CHD2: variants seen among roughly 807,000 people sequenced by gnomAD.
CHD2 encodes the protein ATP-dependent chromatin remodeler CHD2.
A neutral mutation model predicts 243.9 loss-of-function variants in CHD2; 28 were observed. The ratio of observed to expected loss-of-function variants is 0.11; its 90% CI spans 0.09 to 0.16. CHD2 has a LOEUF of 0.16. Ranked by LOEUF, CHD2 falls within the 10% of genes least tolerant of loss-of-function variation. The probability of loss-of-function intolerance (pLI) is 1.00; values close to 1 mark genes in which losing one functional copy is unlikely to be tolerated. For missense variants in CHD2, 1,386 were observed against 2,209.8 expected, an observed-to-expected ratio of 0.63 and a Z score of 7.47; for synonymous variants, 775 against 779.0, an observed-to-expected ratio of 0.99 and a Z score of 0.09.
chr15:92,907,582 C>A (rs999685013), intron 2 of CHD2, among the ~76,000 whole-genome samples: 6 of 152,134 alleles, frequency 3.9e-5, no homozygotes, highest in African/African-American at 1.4e-4. Flanking sequence ...TTACTTTAGT[C>A]CTGAAAATTT....
intron 20 of CHD2, among the ~76,000 whole-genome samples, chr15:92,976,171 C>G (rs1456375848): frequency 6.6e-6 from 1 of 152,016 alleles, no homozygotes; most frequent in Non-Finnish European, 1.5e-5. Context: ...TCGAATGTTT[C>G]ATATTGCCCT....
rs1344138093 is a variant in CHD2 at position 92,985,650 on chromosome 15, A to T, written c.3390A>T (p.Gly1130=). 1 of 1,612,512 alleles carries T rather than the reference A, an allele frequency of 6.2e-7. No homozygotes were observed. Among genetic ancestry groups the T allele is most frequent in the South Asian group, 1.1e-5 (1 of 91,058 alleles). The stretch of plus-strand genomic sequence containing the variant: ...GTGTGCGGAAGGACCTCGTGGAGGG[A>T]TTTACTGATGCAGAGATCCGAAGGT... ...PRSVRKDLVE[G]FTDAEIRRFI... is the part of the protein sequence containing the mutation. The change falls in exon 26 of 39, where the codon GGA becomes GGT. Residue 1130 remains glycine (G), a synonymous_variant. Coordinates refer to ENST00000394196, the MANE Select transcript of CHD2 (RefSeq NM_001271.4).
At chr15:92,940,236 T>C (rs1365267315) in intron 7 of CHD2, among the ~76,000 whole-genome samples, 1 of 152,150 alleles carries the variant, frequency 6.6e-6, no homozygotes, top group East Asian at 1.9e-4. Flanking sequence ...GGCAGATTGC[T>C]TGAGCCCAGG....
intron 25 of CHD2, among the ~76,000 whole-genome samples, chr15:92,984,807 A>T (rs577418245): frequency 6.6e-6 from 1 of 152,220 alleles, no homozygotes; most frequent in Non-Finnish European, 1.5e-5. Flanking sequence ...GTTAATTGCC[A>T]CTGCCTTCAA....
Position 93,024,586 on chromosome 15 carries a change from C to T in CHD2, c.5368C>T (p.Pro1790Ser), listed in dbSNP as rs1567168643. Reference protein sequence around the residue: ...LHPAVSDPRSPPSQKSPHDSK... With the variant: ...LHPAVSDPRSSPSQKSPHDSK... Reference sequence around the variant, plus strand: ...CCCTGCAGTCTCAGATCCTCGCTCACCCCCTTCTCAGAAATCTCCTCACGA... The same window carrying T: ...CCCTGCAGTCTCAGATCCTCGCTCATCCCCTTCTCAGAAATCTCCTCACGA... The change falls in exon 39 of 39, where the codon CCC (proline) becomes TCC (serine). Residue 1790 changes from proline to serine, a missense_variant. By Grantham distance (74) the Pro-to-Ser change is moderately conservative (BLOSUM62 -1). This residue lies in a region of CHD2 where 347 missense variants were observed against 341.6 expected (regional missense o/e 1.02). Coordinates refer to ENST00000394196, the MANE Select transcript of CHD2 (RefSeq NM_001271.4). The T allele has an allele frequency of 1.2e-6, 2 of 1,614,094 alleles. No individual in the cohort carries two copies. The highest frequency in any genetic ancestry group is 8.5e-7 in the Non-Finnish European group (1 of 1,180,044).
rs941452623 is a variant in CHD2 at position 93,002,247 on chromosome 15, A to G, written c.4208A>G (p.Lys1403Arg). The stretch of plus-strand genomic sequence containing the variant: ...AAAGAGAACAAGGAGAACAAGGAGA[A>G]ACAAATGAGTTCTAGGAAAGACAAA... ...KKKENKENKEKQMSSRKDKEG... is the reference protein window; with the variant it reads ...KKKENKENKERQMSSRKDKEG... The change falls in exon 33 of 39, where the codon AAA becomes AGA. Residue 1403 changes from lysine (K) to arginine (R), a missense_variant. Physicochemically the swap from Lys to Arg is conservative, Grantham distance 26. This residue lies in a region of CHD2 where 125 missense variants were observed against 128.9 expected (regional missense o/e 0.97). Transcript: ENST00000394196. The G allele has an allele frequency of 6.2e-7, 1 of 1,603,806 alleles. No homozygotes were observed.
rs2052513136 is a variant in CHD2 at position 92,900,428 on chromosome 15, C to G, written c.-468C>G. 1 of 396,298 alleles carries G rather than the reference C, an allele frequency of 2.5e-6. No individual in the cohort carries two copies. The allele number at this position is 396,298 out of a possible 1,614,324, so 24.5% of individuals were successfully genotyped here. On this transcript the variant is annotated 5_prime_UTR_variant, in exon 1 of 39. Transcript: ENST00000394196. Reference sequence around the variant, plus strand: ...GCAACTTTCCCTAACTTTCGGGCAGCCTCAGGGGGCCCCCGTAGCCCCCTG... The same window carrying G: ...GCAACTTTCCCTAACTTTCGGGCAGGCTCAGGGGGCCCCCGTAGCCCCCTG...
At chr15:93,005,874 A>G (rs902059197) in intron 34 of CHD2, among the ~76,000 whole-genome samples, 2 of 152,194 alleles carry the variant, frequency 1.3e-5, no homozygotes, top group South Asian at 4.1e-4. Flanking sequence ...GAGTGTTTAT[A>G]AGAGAAAATG....
At chr15:92,936,209 C>T (rs886274977) in intron 5 of CHD2, among the ~76,000 whole-genome samples, 12 of 152,172 alleles carry the variant, frequency 7.9e-5, no homozygotes, top group African/African-American at 2.4e-4. Context: ...TCTCAATCTG[C>T]ACATCAGCCA....
intron 9 of CHD2, 67 bp downstream of exon 9, chr15:92,943,135 A>G: frequency 6.6e-6 from 8 of 1,211,186 alleles, no homozygotes; most frequent in Non-Finnish European, 9.5e-6. Flanking sequence ...TTTTAAAATA[A>G]TGCATGGAGA....
At chr15:92,979,088 G>C (rs1020027599) in intron 21 of CHD2, 47 bp from the exon 22 acceptor site, 2 of 1,594,148 alleles carry the variant, frequency 1.3e-6, no homozygotes, top group Non-Finnish European at 1.7e-6. Flanking sequence ...TTTTGGGGGG[G>C]TTGGGGGGTG....
Position 92,906,733 on chromosome 15 carries a change from T to G in CHD2, c.62+5434T>G, listed in dbSNP as rs78215954. On this transcript the variant is annotated intron_variant, in intron 2 of 38. Transcript: ENST00000394196. ...TTCTTGGTAACCTTAGAACTTTGCTTCCTTGAAGAACTTGGCTTTCTTGAT... is the reference window on the plus strand; with the variant it reads ...TTCTTGGTAACCTTAGAACTTTGCTGCCTTGAAGAACTTGGCTTTCTTGAT... 2.9e-3 allele frequency among the ~76,000 whole-genome samples: 447 copies of G among 151,642 alleles called. 1 individual carries two copies. Among genetic ancestry groups the G allele is most frequent in the Middle Eastern group, 0.01 (3 of 292 alleles).
At chr15:92,967,593 C>CTTT in intron 17 of CHD2, 80 bp downstream of exon 17, 1 of 813,416 alleles carries the variant, frequency 1.2e-6, no homozygotes, top group Non-Finnish European at 1.7e-6. Flanking sequence ...TATATATATA[C>CTTT]TTTTGTTTTT....
At chr15:92,920,325 C>A in intron 2 of CHD2, among the ~76,000 whole-genome samples, 1 of 152,104 alleles carries the variant, frequency 6.6e-6, no homozygotes, top group Non-Finnish European at 1.5e-5. Flanking sequence ...GAAAGTGTAT[C>A]AGAGATATTT....
At chr15:93,014,586 A>G (rs1228870091) in intron 36 of CHD2, 110 bp from the exon 37 acceptor site, 1 of 929,526 alleles carries the variant, frequency 1.1e-6, no homozygotes, top group Non-Finnish European at 1.6e-6. Context: ...ACGCCAGTTC[A>G]GAAGTTTAAG....
chr15:92,943,397 C>G (rs560499295), intron 9 of CHD2: 47 of 290,944 alleles, frequency 1.6e-4, no homozygotes, highest in African/African-American at 9.9e-4. Context: ...TGCAAGTGGA[C>G]TCAGGTTTTG....
chr15:92,975,689 A>G (rs1318269644), intron 20 of CHD2, among the ~76,000 whole-genome samples: 1 of 150,848 alleles, frequency 6.6e-6, no homozygotes, highest in African/African-American at 2.5e-5. Context: ...TTAAACAGAT[A>G]GAACAGACTT....
At chr15:92,945,921 T>C in intron 11 of CHD2, 56 bp downstream of exon 11, 1 of 1,481,810 alleles carries the variant, frequency 6.7e-7, no homozygotes, top group South Asian at 1.3e-5. Context: ...CAGTGTATGT[T>C]TTGCAGATTA....
In CHD2 at chr15:92,972,152, C is replaced by G. The variant is rs185298598; in HGVS notation, c.2353-113C>G. 1.8e-4 allele frequency: 220 copies of G among 1,221,218 alleles called. 1 individual carries two copies. In the African/African-American group the frequency reaches 3.0e-3, roughly 17 times the overall value. The allele number at this position is 1,221,218 out of a possible 1,614,324, so 75.6% of individuals were successfully genotyped here. ...CGGGAATTGCTGGTCAAGCAGGTTG[C>G]TAAGGGCTTCAGAAAGCTTTAAGAT... On this transcript the variant is annotated intron_variant, in intron 18 of 38. Coordinates refer to ENST00000394196, the MANE Select transcript of CHD2 (RefSeq NM_001271.4).
Sources: gnomAD v4.1 joint callset for allele counts (sites outside exome capture counted in the v4.1 genomes callset) on GRCh38, gnomAD v4.1.1 for gene constraint, gnomAD v4.1.1 regional missense constraint, MANE v1.5 for transcripts, NCBI Gene and HGNC (gene_info 2026-07-23, HGNC 2026-07-21) for gene names.